Variants in SHTN1 observed in about 807,000 individuals in gnomAD.
SHTN1 encodes shootin 1.
Under a neutral mutation model 83.1 loss-of-function variants are expected in SHTN1, and 42 were observed. The observed-to-expected ratio is 0.51, with a 90% confidence interval of 0.39 to 0.65. SHTN1 has a LOEUF of 0.65. SHTN1 is among the 30% of genes least tolerant of loss of function. The pLI is 0.00. For synonymous variants in SHTN1, 224 were observed against 247.7 expected, an observed-to-expected ratio of 0.90 and a Z score of 0.90; for missense variants, 622 against 737.8, an observed-to-expected ratio of 0.84 and a Z score of 1.82.
At chr10:116,984,649 A>C (rs1230150421) in intron 1 of SHTN1, among the ~76,000 whole-genome samples, 1 of 152,200 alleles carries the variant, frequency 6.6e-6, no homozygotes, top group African/African-American at 2.4e-5. Context: ...TATCTCTGCA[A>C]ACTGCCCTTC....
rs751710109 is a variant in SHTN1 at position 116,929,903 on chromosome 10, A to C, written c.958T>G (p.Leu320Val). The change falls in exon 10 of 17, where the codon TTG becomes GTG. Residue 320 changes from leucine to valine, a missense_variant. Transcript: ENST00000355371. ...LELLEEDKKE[L>V]ELKYQNSEEK... is the part of the protein sequence containing the mutation. ...TCAGAATTCTGATATTTCAATTCCA[A>C]TTCCTTTTTATCTTCCTCTAGAAGC... The C allele has an allele frequency of 1.2e-5, 20 of 1,609,934 alleles. No individual in the cohort carries two copies. The highest frequency in any genetic ancestry group is 1.7e-4 in the Middle Eastern group (1 of 6,054).
intron 1 of SHTN1, among the ~76,000 whole-genome samples, chr10:117,098,396 C>CAAAAA (rs11321262): frequency 4.9e-5 from 3 of 61,064 alleles, no homozygotes; most frequent in Non-Finnish European, 9.5e-5. Context: ...CACTCCGTCT[C>CAAAAA]AAAAAAAAAA....
chr10:116,920,409 G>T (rs576653644), intron 12 of SHTN1, among the ~76,000 whole-genome samples: 1 of 152,194 alleles, frequency 6.6e-6, no homozygotes, highest in East Asian at 1.9e-4. Flanking sequence ...TCATTGTCCT[G>T]TATATCTCGA....
intron 2 of SHTN1, among the ~76,000 whole-genome samples, chr10:117,028,435 G>C (rs1478316255): frequency 1.3e-5 from 2 of 152,178 alleles, no homozygotes; most frequent in Non-Finnish European, 2.9e-5. Flanking sequence ...AAGGAGCCAA[G>C]TGCTAGCAGC....
At chr10:116,967,596 A>G (rs907699011) in intron 3 of SHTN1, among the ~76,000 whole-genome samples, 1 of 151,908 alleles carries the variant, frequency 6.6e-6, no homozygotes, top group South Asian at 2.1e-4. Flanking sequence ...TTATTTACTT[A>G]TTTTCTTTTG....
Position 116,929,897 on chromosome 10 carries a change from A to T in SHTN1, c.964T>A (p.Leu322Met). Residue 322 changes from leucine (L) to methionine (M), a missense_variant, in exon 10 of 17, where the codon TTG becomes ATG. This residue lies in a region of SHTN1 where 383 missense variants were observed against 455.8 expected (regional missense o/e 0.84). Transcript: ENST00000355371. ...LLEEDKKELE[L>M]KYQNSEEKAR... is the part of the protein sequence containing the mutation. ...TTCTCTTCAGAATTCTGATATTTCA[A>T]TTCCAATTCCTTTTTATCTTCCTCT... 6.2e-7 allele frequency: 1 copy of T among 1,610,550 alleles called. No homozygotes were observed.
At chr10:117,042,108 T>C (rs1852591909) in intron 2 of SHTN1, among the ~76,000 whole-genome samples, 1 of 152,174 alleles carries the variant, frequency 6.6e-6, no homozygotes, top group Admixed American at 6.5e-5. Context: ...AAAGTGCATT[T>C]CAAGTGTTTT....
intron 1 of SHTN1, among the ~76,000 whole-genome samples, chr10:117,104,087 A>G (rs1456047197): frequency 2.0e-5 from 3 of 152,126 alleles, no homozygotes; most frequent in Non-Finnish European, 2.9e-5. Context: ...CAGAACGAGG[A>G]GTCAAATACA....
intron 4 of SHTN1, among the ~76,000 whole-genome samples, chr10:116,958,308 G>A (rs1159150358): frequency 2.6e-5 from 4 of 151,988 alleles, no homozygotes; most frequent in Admixed American, 6.5e-5. Flanking sequence ...CAACAAACAA[G>A]CACATTTATA....
intron 1 of SHTN1, among the ~76,000 whole-genome samples, chr10:117,115,073 T>C (rs1853826699): frequency 6.6e-6 from 1 of 152,212 alleles, no homozygotes; most frequent in Admixed American, 6.5e-5. Context: ...CTTTTAACTC[T>C]TTGGGGGTCA....
At chr10:117,006,585 A>T (rs1852017033), upstream of SHTN1, among the ~76,000 whole-genome samples, 1 of 151,126 alleles carries the variant, frequency 6.6e-6, no homozygotes, top group Admixed American at 6.6e-5. Context: ...AAAAAAAAAA[A>T]ATTACAGGTC....
chr10:116,957,980 A>T (rs987673356), intron 4 of SHTN1, among the ~76,000 whole-genome samples: 6 of 152,164 alleles, frequency 3.9e-5, no homozygotes, highest in African/African-American at 1.4e-4. Flanking sequence ...GAATTGCTTG[A>T]ATCTGGGAGG....
intron 2 of SHTN1, among the ~76,000 whole-genome samples, chr10:117,029,890 CTT>C (rs1852384912): frequency 1.4e-5 from 1 of 69,178 alleles, no homozygotes. Flanking sequence ...GTCTCTCTCT[CTT>C]TCTTTTTTTT....
At chr10:116,966,164 C>T (rs991668502) in intron 3 of SHTN1, among the ~76,000 whole-genome samples, 4 of 152,110 alleles carry the variant, frequency 2.6e-5, no homozygotes, top group Non-Finnish European at 5.9e-5. Flanking sequence ...CCCGCCACCA[C>T]GCCTGGCTAA....
At chr10:117,053,178 A>C (rs1161606821) in intron 1 of SHTN1, among the ~76,000 whole-genome samples, 2 of 151,794 alleles carry the variant, frequency 1.3e-5, no homozygotes, top group African/African-American at 4.8e-5. Context: ...AAAGAATAGT[A>C]ATGATCTTTA....
intron 1 of SHTN1, among the ~76,000 whole-genome samples, chr10:117,050,436 T>C (rs761248158): frequency 6.6e-6 from 1 of 152,042 alleles, no homozygotes; most frequent in Non-Finnish European, 1.5e-5. Context: ...TAAAAACATA[T>C]GGATGCAGTG....
chr10:116,949,860 G>GT (rs200468689), intron 6 of SHTN1, among the ~76,000 whole-genome samples: 92 of 151,952 alleles, frequency 6.1e-4, no homozygotes, highest in Admixed American at 1.4e-3. Flanking sequence ...CTATAGAAAA[G>GT]TTTTTTTAAA....
intron 1 of SHTN1, among the ~76,000 whole-genome samples, chr10:117,124,289 G>A (rs1028336994): frequency 5.9e-5 from 9 of 152,000 alleles, no homozygotes; most frequent in African/African-American, 2.2e-4. Flanking sequence ...TGAGCCTCAG[G>A]CAATGAAAAA....
At chr10:116,918,454 C>G (rs566879115) in intron 12 of SHTN1, among the ~76,000 whole-genome samples, 1 of 152,036 alleles carries the variant, frequency 6.6e-6, no homozygotes, top group Non-Finnish European at 1.5e-5. Flanking sequence ...CACTAACTTT[C>G]TTTTAAAGGT....
Sources: gnomAD v4.1 joint callset for allele counts (sites outside exome capture counted in the v4.1 genomes callset) on GRCh38, gnomAD v4.1.1 for gene constraint, gnomAD v4.1.1 regional missense constraint, MANE v1.5 for transcripts, NCBI Gene and HGNC (gene_info 2026-07-23, HGNC 2026-07-21) for gene names.